Variants in SLC6A19 observed in about 807,000 individuals in gnomAD.
The protein encoded by SLC6A19 is sodium-dependent neutral amino acid transporter B(0)AT1.
SLC6A19 carries 67 observed loss-of-function variants against 68.3 expected under a neutral mutation model. The observed-to-expected ratio is 0.98, with a 90% confidence interval of 0.81 to 1.20. The LOEUF (loss-of-function observed/expected upper bound fraction) is 1.20. SLC6A19 is among the 50% of genes most tolerant of loss of function. The pLI is 0.00. For synonymous variants in SLC6A19, 392 were observed against 374.9 expected, an observed-to-expected ratio of 1.05 and a Z score of -0.53; for missense variants, 813 against 851.6, an observed-to-expected ratio of 0.95 and a Z score of 0.56.
intron 1 of SLC6A19, 119 bp from the exon 2 acceptor site, chr5:1,208,627 C>A: frequency 7.1e-7 from 1 of 1,399,952 alleles, no homozygotes; most frequent in Non-Finnish European, 1.0e-6. Context: ...CAGCTCTGTT[C>A]CCAAGTGGTG....
At chr5:1,210,638 T>G (rs1745999578) in intron 3 of SLC6A19, 57 bp downstream of exon 3, 1 of 1,605,244 alleles carries the variant, frequency 6.2e-7, no homozygotes, top group Non-Finnish European at 8.5e-7. Context: ...GTGTCTCTCA[T>G]AGCAGGCACA....
chr5:1,207,772 C>G (rs958111180), intron 1 of SLC6A19, among the ~76,000 whole-genome samples: 1 of 152,224 alleles, frequency 6.6e-6, no homozygotes, highest in East Asian at 1.9e-4. Context: ...TGGCTGTCAG[C>G]GCCTGGACAG....
At chr5:1,202,337 G>A (rs1232327205) in intron 1 of SLC6A19, among the ~76,000 whole-genome samples, 1 of 152,200 alleles carries the variant, frequency 6.6e-6, no homozygotes, top group Non-Finnish European at 1.5e-5. Context: ...GTGGACTCGG[G>A]CCTGGCTCTT....
intron 5 of SLC6A19, 61 bp from the exon 6 acceptor site, chr5:1,213,892 C>G: frequency 2.3e-6 from 1 of 439,504 alleles, no homozygotes; most frequent in South Asian, 2.9e-5. Flanking sequence ...GGAGCACACC[C>G]TCCCAGGTCC....
intron 2 of SLC6A19, 30 bp downstream of exon 2, chr5:1,208,916 C>T (rs548147900): frequency 3.8e-6 from 6 of 1,594,942 alleles, no homozygotes; most frequent in African/African-American, 1.3e-5. Flanking sequence ...TCCACCCGGG[C>T]CCAGGGGTCG....
rs988971669 is a variant in SLC6A19 at position 1,215,717 on chromosome 5, G to A, written c.888-841G>A. Among the ~76,000 whole-genome samples, 4 of 152,214 alleles carry A rather than the reference G, an allele frequency of 2.6e-5. No individual in the cohort carries two copies. The highest frequency in any genetic ancestry group is 9.6e-5 in the African/African-American group (4 of 41,452). On this transcript the variant is annotated intron_variant, in intron 6 of 11. Coordinates refer to ENST00000304460, the MANE Select transcript of SLC6A19 (RefSeq NM_001003841.3). This position sits in a 1 kb window ranked among gnomAD's most constrained non-coding sequence, Gnocchi z 5.1. ...TGAGCCTGTGTGTACGCGTTTTTGT[G>A]GACGCATGCTTTCGTTCTTCTGGGT...
rs578153898 is a variant in SLC6A19 at position 1,222,080 on chromosome 5, A to G, written c.*176A>G. 4.8e-5 allele frequency: 34 copies of G among 702,066 alleles called. 1 individual carries two copies. The South Asian group carries it at 5.6e-4, about 12-fold the overall frequency. 43.5% of individuals were successfully genotyped at this position (702,066 alleles called of 1,614,324 possible). A position where few individuals can be genotyped will look rare whatever the true frequency, so the allele number is the denominator to read the frequency against. ...GTGTGCAGATATGTATCGTGTGTGC[A>G]TGTACATGCATGGGCACTGTGTGAG... On this transcript the variant is annotated 3_prime_UTR_variant, in exon 12 of 12. Coordinates refer to ENST00000304460, the MANE Select transcript of SLC6A19 (RefSeq NM_001003841.3).
In SLC6A19 at chr5:1,209,027, C is replaced by G; in HGVS notation, c.343+141C>G. The G allele has an allele frequency of 8.5e-7, 1 of 1,172,332 alleles. No homozygotes were observed. The highest frequency in any genetic ancestry group is 1.2e-6 in the Non-Finnish European group (1 of 865,990). 72.6% of individuals were successfully genotyped at this position (1,172,332 alleles called of 1,614,324 possible). On this transcript the variant is annotated intron_variant, in intron 2 of 11. Transcript: ENST00000304460. The surrounding 1 kb of genome is among the most constrained non-coding windows in gnomAD (Gnocchi z 5.5). Reference sequence around the variant, plus strand: ...GTCTGTTTCTGGTGCAACAAAGGTCCCAGCTTCATCTCCTGGAGGCCTTTG... The same window carrying G: ...GTCTGTTTCTGGTGCAACAAAGGTCGCAGCTTCATCTCCTGGAGGCCTTTG...
rs1307084763 is a variant in SLC6A19, at chr5:1,212,443, C to T, written c.622C>T (p.Leu208=). 1.4e-5 allele frequency: 23 copies of T among 1,611,246 alleles called. No individual in the cohort carries two copies. Among genetic ancestry groups the T allele is most frequent in the Non-Finnish European group, 4.2e-6 (5 of 1,179,922 alleles). The change falls in exon 4 of 12, where the codon CTG becomes TTG. Residue 208 remains leucine, a synonymous_variant. Transcript: ENST00000304460. This position sits in a 1 kb window ranked among gnomAD's most constrained non-coding sequence, Gnocchi z 5.1. ...LLCLACAWSV[L]YMCTIRGIET... The stretch of plus-strand genomic sequence containing the variant: ...GTGCCTGGCCTGCGCATGGAGCGTC[C>T]TGTACATGTGCACCATCCGCGGCAT...
chr5:1,213,569 C>G lies in SLC6A19; in HGVS notation c.770C>G (p.Pro257Arg). The G allele has an allele frequency of 6.2e-7, 1 of 1,611,978 alleles. No homozygotes were observed. Among genetic ancestry groups the G allele is most frequent in the Non-Finnish European group, 8.5e-7 (1 of 1,179,488 alleles). Reference sequence around the variant, plus strand: ...AATGGCATCGTCTTCCTCTTCACGCCCAACGTAAGTCCCCGAGGCTGCCCT... The same window carrying G: ...AATGGCATCGTCTTCCTCTTCACGCGCAACGTAAGTCCCCGAGGCTGCCCT... ...ATNGIVFLFT[P>R]NVTELAQPDT... Residue 257 changes from proline (P) to arginine (R), a missense_variant, in exon 5 of 12, where the codon CCC becomes CGC. Physicochemically the swap from Pro to Arg is moderately radical, Grantham distance 103 (BLOSUM62 -2). Transcript: ENST00000304460.
At chr5:1,216,059 G>A (rs1746198365) in intron 6 of SLC6A19, among the ~76,000 whole-genome samples, 1 of 152,186 alleles carries the variant, frequency 6.6e-6, no homozygotes, top group Non-Finnish European at 1.5e-5. Flanking sequence ...TGAGCTGGCT[G>A]GGTTGGGTCA....
At position 1,221,876 on chromosome 5, in the gene SLC6A19, C is replaced by T; in HGVS notation, c.1877C>T (p.Ala626Val). ...HQGLVSTLST[A>V]SMNGDLKY ...GGGCTGGTGAGCACACTGTCCACAG[C>T]CTCCATGAACGGGGACCTGAAGTAC... The change falls in exon 12 of 12, where the codon GCC becomes GTC. Residue 626 changes from alanine to valine, a missense_variant. Ala to Val is a moderately conservative substitution (Grantham distance 64). Transcript: ENST00000304460. 1.9e-6 allele frequency: 3 copies of T among 1,614,154 alleles called. No homozygotes were observed. The highest frequency in any genetic ancestry group is 2.2e-5 in the South Asian group (2 of 91,086).
rs149124864 is a variant in SLC6A19 at position 1,221,251 on chromosome 5, C to T, written c.1639C>T (p.Leu547Phe). The T allele has an allele frequency of 1.3e-4, 207 of 1,614,156 alleles. No individual in the cohort carries two copies. The African/African-American group carries it at 2.5e-3, about 20-fold the overall frequency. The change falls in exon 11 of 12, where the codon CTC becomes TTC. Residue 547 changes from leucine to phenylalanine, a missense_variant. By Grantham distance (22) the Leu-to-Phe change is conservative. Coordinates refer to ENST00000304460, the MANE Select transcript of SLC6A19 (RefSeq NM_001003841.3). ...VSPLLMLIIF[L>F]FFFVVEVSQE... The stretch of plus-strand genomic sequence containing the variant: ...CCCCCTGCTCATGCTGATCATCTTC[C>T]TCTTCTTCTTCGTGGTAGAGGTCAG...
chr5:1,213,810 C>T, intron 5 of SLC6A19, 143 bp from the exon 6 acceptor site: 2 of 1,364,680 alleles, frequency 1.5e-6, no homozygotes, highest in Non-Finnish European at 2.0e-6. Context: ...ACAGGGAAGG[C>T]ATAGCTGCCA....
intron 3 of SLC6A19, among the ~76,000 whole-genome samples, chr5:1,211,966 CATGT>C (rs1376430720): frequency 7.4e-6 from 1 of 134,506 alleles, no homozygotes; most frequent in East Asian, 2.2e-4. Context: ...TGCCTGTGTG[CATGT>C]GTGTGTGTTG....
chr5:1,210,377 G>T (rs1745990318), intron 2 of SLC6A19, 67 bp from the exon 3 acceptor site: 3 of 1,602,046 alleles, frequency 1.9e-6, no homozygotes, highest in African/African-American at 2.7e-5. Flanking sequence ...CTCCTGCTCA[G>T]AGTGGGGATG....
chr5:1,214,422 C>T lies in SLC6A19; in HGVS notation c.887+357C>T, dbSNP rs777642300. Among the ~76,000 whole-genome samples, 4 of 152,156 alleles carry T rather than the reference C, an allele frequency of 2.6e-5. No individual in the cohort carries two copies. The highest frequency in any genetic ancestry group is 5.9e-5 in the Non-Finnish European group (4 of 68,024). ...ATCCCAGGCCCCCAGACATGTGGCG[C>T]CCCCGACGCCCTCCACGTCCCCGAC... On this transcript the variant is annotated intron_variant, in intron 6 of 11. Coordinates refer to ENST00000304460, the MANE Select transcript of SLC6A19 (RefSeq NM_001003841.3). This position sits in a 1 kb window ranked among gnomAD's most constrained non-coding sequence, Gnocchi z 7.4.
At chr5:1,208,513 C>A (rs547255522) in intron 1 of SLC6A19, among the ~76,000 whole-genome samples, 1 of 152,168 alleles carries the variant, frequency 6.6e-6, no homozygotes, top group Non-Finnish European at 1.5e-5. Context: ...GTCCCATAGG[C>A]GACCTCAGCC....
At chr5:1,208,279 C>T (rs1220837680) in intron 1 of SLC6A19, among the ~76,000 whole-genome samples, 2 of 152,132 alleles carry the variant, frequency 1.3e-5, no homozygotes, top group Non-Finnish European at 1.5e-5. Context: ...GTTCATTAAG[C>T]CAAGGAGGGA....
Sources: allele counts gnomAD v4.1 joint callset (sites outside exome capture counted in the v4.1 genomes callset), GRCh38; gene constraint gnomAD v4.1.1; non-coding constraint Gnocchi (gnomAD v3.1); transcripts MANE v1.5; gene names NCBI Gene and HGNC (gene_info 2026-07-23, HGNC 2026-07-21).